MUC7: variants seen among roughly 807,000 people sequenced by gnomAD.
MUC7 encodes the protein mucin 7, secreted.
A neutral mutation model predicts 2.5 loss-of-function variants in MUC7; 2 were observed. The ratio of observed to expected loss-of-function variants is 0.81; its 90% CI spans 0.33 to 2.55. The LOEUF (loss-of-function observed/expected upper bound fraction) is 2.55, where lower values mean the gene tolerates loss of function less well. Among genes scored for constraint, MUC7 ranks in the 30% most tolerant of loss-of-function variants. MUC7 has a pLI of 0.11. For missense variants in MUC7, 408 were observed against 455.6 expected (o/e 0.90, Z 0.95); for synonymous variants, 133 against 173.4 (o/e 0.77, Z 1.83).
chr4:70,447,850 C>T (rs1261367944), intron 1 of MUC7, among the ~76,000 whole-genome samples: 1 of 152,000 alleles, frequency 6.6e-6, no homozygotes, highest in African/African-American at 2.4e-5. Flanking sequence ...TCACTGTAGT[C>T]CCCCTGTAGC....
chr4:70,461,833 T>C (rs1301752419), intron 1 of MUC7, among the ~76,000 whole-genome samples: 1 of 145,936 alleles, frequency 6.9e-6, no homozygotes, highest in Non-Finnish European at 1.5e-5. Flanking sequence ...AAAGAAAAAA[T>C]TTCCAAGCTA....
intron 1 of MUC7, among the ~76,000 whole-genome samples, chr4:70,444,393 C>T (rs1249212242): frequency 6.6e-6 from 1 of 152,156 alleles, no homozygotes; most frequent in Non-Finnish European, 1.5e-5. Context: ...ACACAAGTCA[C>T]TACTTCAGCT....
intron 1 of MUC7, among the ~76,000 whole-genome samples, chr4:70,438,429 A>AGTTTTGTTTTGTTTT (rs751882688): frequency 0.022 from 2,757 of 124,800 alleles, 95 homozygotes; most frequent in African/African-American, 0.069. Context: ...CAGGAAATGA[A>AGTTTTGTTTTGTTTT]GTTTTGTTTT....
chr4:70,448,282 C>T (rs1734192886), intron 1 of MUC7, among the ~76,000 whole-genome samples: 1 of 151,978 alleles, frequency 6.6e-6, no homozygotes, highest in African/African-American at 2.4e-5. Flanking sequence ...TATTAATTAC[C>T]TTTCTTTTGG....
intron 2 of MUC7, 135 bp from the exon 3 acceptor site, chr4:70,480,664 C>A: frequency 2.2e-6 from 2 of 890,560 alleles, no homozygotes; most frequent in Non-Finnish European, 3.3e-6. Context: ...GGAAGATAAT[C>A]ACTTGACTCA....
rs996457117 is a variant in MUC7 at position 70,474,088 on chromosome 4, C to T, written c.54+13C>T. 1.2e-6 allele frequency: 2 copies of T among 1,609,618 alleles called. No individual in the cohort carries two copies. The highest frequency in any genetic ancestry group is 1.3e-5 in the African/African-American group (1 of 74,682). On this transcript the variant is annotated intron_variant, in intron 2 of 2. Transcript: ENST00000304887. ...TGCTTGCTTCTCGGTAAGTATTCACCCAAATAAGTTTTTTCCTTAACTATC... is the reference window on the plus strand; with the variant it reads ...TGCTTGCTTCTCGGTAAGTATTCACTCAAATAAGTTTTTTCCTTAACTATC...
chr4:70,453,133 C>A (rs1167860103), intron 1 of MUC7, among the ~76,000 whole-genome samples: 1 of 152,122 alleles, frequency 6.6e-6, no homozygotes, highest in Non-Finnish European at 1.5e-5. Flanking sequence ...CTTGCTACCA[C>A]CTATGTTTGT....
chr4:70,450,837 T>G (rs1438117761), intron 1 of MUC7, among the ~76,000 whole-genome samples: 3 of 152,062 alleles, frequency 2.0e-5, no homozygotes, highest in African/African-American at 7.2e-5. Flanking sequence ...GAGAAAGTCC[T>G]CCCCACCCTT....
At chr4:70,469,709 T>C (rs143857322), upstream of MUC7, among the ~76,000 whole-genome samples, 2,052 of 152,186 alleles carry the variant, frequency 0.013, 47 homozygotes, top group African/African-American at 0.047. Flanking sequence ...TACAATGAGA[T>C]ACCATCTCAA....
chr4:70,459,652 CA>C (rs1230310819), intron 1 of MUC7, among the ~76,000 whole-genome samples: 2 of 151,984 alleles, frequency 1.3e-5, no homozygotes, highest in Admixed American at 6.6e-5. Context: ...GACAGTATAA[CA>C]GAAACAGAAC....
At chr4:70,439,534 G>C (rs1250914632) in intron 1 of MUC7, among the ~76,000 whole-genome samples, 1 of 152,116 alleles carries the variant, frequency 6.6e-6, no homozygotes, top group Non-Finnish European at 1.5e-5. Context: ...ATCATACCTA[G>C]TAAGACTGAA....
intron 1 of MUC7, among the ~76,000 whole-genome samples, chr4:70,436,043 G>C (rs1733822663): frequency 6.6e-6 from 1 of 152,156 alleles, no homozygotes; most frequent in African/African-American, 2.4e-5. Flanking sequence ...ACTCTCTTCT[G>C]GCTTGTAGGG....
upstream of MUC7, among the ~76,000 whole-genome samples, chr4:70,471,177 T>A (rs552984517): frequency 6.6e-6 from 1 of 152,202 alleles, no homozygotes; most frequent in Non-Finnish European, 1.5e-5. Context: ...ATTTTGAAGA[T>A]CTCTATTAAA....
chr4:70,476,741 C>T (rs1390985037), intron 2 of MUC7, among the ~76,000 whole-genome samples: 2 of 152,124 alleles, frequency 1.3e-5, no homozygotes, highest in Non-Finnish European at 2.9e-5. Flanking sequence ...GAGCCAAGAT[C>T]GTGCCACTGC....
At chr4:70,434,356 T>G (rs1217614111) in intron 1 of MUC7, among the ~76,000 whole-genome samples, 1 of 151,482 alleles carries the variant, frequency 6.6e-6, no homozygotes, top group Non-Finnish European at 1.5e-5. Context: ...GTCCTGGACT[T>G]TTTTTGTTGG....
Position 70,482,014 on chromosome 4 carries a change from AT to A in MUC7, c.*137del, listed in dbSNP as rs1735214400. ...TTAAAGCACTATCATTAATCTTTCA[AT>A]CTAATTATTCACCACCACAAGACCT... On this transcript the variant is annotated 3_prime_UTR_variant, in exon 3 of 3. Coordinates refer to ENST00000304887, the MANE Select transcript of MUC7 (RefSeq NM_152291.3). The A allele has an allele frequency of 9.1e-7, 1 of 1,100,188 alleles. No homozygotes were observed. The allele number at this position is 1,100,188 out of a possible 1,614,324, so 68.2% of individuals were successfully genotyped here. A position where few individuals can be genotyped will look rare whatever the true frequency, so the allele number is the denominator to read the frequency against.
intron 1 of MUC7, among the ~76,000 whole-genome samples, chr4:70,451,763 T>A (rs990182852): frequency 2.0e-5 from 3 of 152,182 alleles, no homozygotes; most frequent in African/African-American, 7.2e-5. Flanking sequence ...ATTCTGTAAA[T>A]ATGTATTAGG....
intron 1 of MUC7, among the ~76,000 whole-genome samples, chr4:70,467,094 G>C (rs973101016): frequency 6.6e-6 from 1 of 152,138 alleles, no homozygotes; most frequent in Non-Finnish European, 1.5e-5. Flanking sequence ...TAGAACTCAG[G>C]ATTAAGAAAC....
chr4:70,452,761 T>C (rs1734310467), intron 1 of MUC7, among the ~76,000 whole-genome samples: 1 of 152,212 alleles, frequency 6.6e-6, no homozygotes, highest in Non-Finnish European at 1.5e-5. Context: ...TATGTTCTCC[T>C]GTGTATTTTC....
Sources: allele counts gnomAD v4.1 joint callset (sites outside exome capture counted in the v4.1 genomes callset), GRCh38; gene constraint gnomAD v4.1.1; transcripts MANE v1.5; gene names NCBI Gene and HGNC (gene_info 2026-07-23, HGNC 2026-07-21).